Variants in ANXA5 observed in about 807,000 individuals in gnomAD.
ANXA5 encodes CBP-I.
ANXA5 carries 40 observed loss-of-function variants against 48.1 expected under a neutral mutation model. The observed-to-expected ratio is 0.83, with a 90% confidence interval of 0.65 to 1.08. The LOEUF is 1.08. ANXA5 is among the 50% of genes least tolerant of loss of function. ANXA5 has a pLI of 0.00. For missense variants in ANXA5, 357 were observed against 376.8 expected (o/e 0.95, Z 0.44); for synonymous variants, 113 against 129.1 (o/e 0.88, Z 0.85).
At chr4:121,685,373 A>G (rs1217656482) in intron 3 of ANXA5, among the ~76,000 whole-genome samples, 2 of 152,154 alleles carry the variant, frequency 1.3e-5, no homozygotes, top group Admixed American at 6.5e-5. Context: ...GTGGAAGGGA[A>G]TCTTGGAGAA....
rs144138543 is a variant in ANXA5, at chr4:121,683,407, G to C, written c.260C>G (p.Pro87Arg). The C allele has an allele frequency of 3.7e-4, 602 of 1,609,008 alleles. 1 individual carries two copies. The highest frequency in any genetic ancestry group is 4.7e-4 in the Non-Finnish European group (556 of 1,177,296). Residue 87 changes from proline (P) to arginine (R), a missense_variant, in exon 5 of 13, where the codon CCC becomes CGC. By Grantham distance (103) the Pro-to-Arg change is moderately radical. Coordinates refer to ENST00000296511, the MANE Select transcript of ANXA5 (RefSeq NM_001154.4). ...TTCATAAGCATCATAAAGCCGAGAG[G>C]GTTTCATCAGAGCCACAATTAATTT... is the stretch of plus-strand genomic sequence containing the variant. The part of the protein sequence containing the change: ...FEKLIVALMK[P>R]SRLYDAYELK...
chr4:121,669,685 C>G lies in ANXA5; in HGVS notation c.820G>C (p.Val274Leu). 1 of 1,611,904 alleles carries G rather than the reference C, an allele frequency of 6.2e-7. No individual in the cohort carries two copies. Reference protein sequence around the residue: ...TDDHTLIRVMVSRSEIDLFNI... With the variant: ...TDDHTLIRVMLSRSEIDLFNI... ...AACAGATCAATCTCACTCCTGGAAA[C>G]CATGACTCTGATGAGGGTATGATCA... The change falls in exon 12 of 13, where the codon GTT becomes CTT. Residue 274 changes from valine to leucine, a missense_variant. Val to Leu is a conservative substitution (Grantham distance 32). Coordinates refer to ENST00000296511, the MANE Select transcript of ANXA5 (RefSeq NM_001154.4).
Position 121,678,046 on chromosome 4 carries a change from C to A in ANXA5, c.475-96G>T. ...TGATGGTTATTCAATAACACTCTTT[C>A]TCTAGGAATAATATGCTTTTATTAA... is the stretch of plus-strand genomic sequence containing the variant. On this transcript the variant is annotated intron_variant, in intron 7 of 12. Transcript: ENST00000296511. 8.7e-6 allele frequency: 8 copies of A among 920,646 alleles called. No homozygotes were observed. In the South Asian group the frequency reaches 1.1e-4, roughly 13 times the overall value. 57.0% of individuals were successfully genotyped at this position (920,646 alleles called of 1,614,324 possible).
intron 2 of ANXA5, among the ~76,000 whole-genome samples, chr4:121,689,929 A>G (rs1724953446): frequency 6.6e-6 from 1 of 150,642 alleles, no homozygotes; most frequent in South Asian, 2.2e-4. Context: ...GATGAGAAAG[A>G]GGATGGCTGA....
intron 8 of ANXA5, 113 bp from the exon 9 acceptor site, chr4:121,672,739 T>C: frequency 1.4e-6 from 1 of 737,222 alleles, no homozygotes; most frequent in Non-Finnish European, 2.3e-6. Context: ...CATCATCTTG[T>C]ATTAATAGTT....
chr4:121,685,755 G>A (rs1215099303), intron 3 of ANXA5, among the ~76,000 whole-genome samples: 1 of 152,158 alleles, frequency 6.6e-6, no homozygotes, highest in Non-Finnish European at 1.5e-5. Context: ...ATGAGAATGG[G>A]ATATCTGATT....
At chr4:121,674,965 C>T (rs1724674082) in intron 8 of ANXA5, among the ~76,000 whole-genome samples, 1 of 152,146 alleles carries the variant, frequency 6.6e-6, no homozygotes, top group African/African-American at 2.4e-5. Context: ...CCTCTTCAGC[C>T]TCAGTGTATA....
At chr4:121,670,367 T>A (rs1415383053) in intron 10 of ANXA5, among the ~76,000 whole-genome samples, 1 of 152,124 alleles carries the variant, frequency 6.6e-6, no homozygotes, top group Non-Finnish European at 1.5e-5. Flanking sequence ...ATTACACAAA[T>A]CCCTTGGAAG....
At chr4:121,669,852 G>A in intron 11 of ANXA5, 102 bp downstream of exon 11, 1 of 1,452,450 alleles carries the variant, frequency 6.9e-7, no homozygotes, top group Admixed American at 2.1e-5. Flanking sequence ...ATGTTATAAG[G>A]GAAAAATTCC....
chr4:121,670,513 T>C (rs770431557), intron 10 of ANXA5, among the ~76,000 whole-genome samples: 14 of 152,304 alleles, frequency 9.2e-5, no homozygotes, highest in Non-Finnish European at 1.8e-4. Context: ...GATTTATCCA[T>C]TTCAGTACAA....
intron 3 of ANXA5, among the ~76,000 whole-genome samples, chr4:121,685,041 TATATATATATACACACACAC>T (rs1283708658): frequency 6.8e-6 from 1 of 146,930 alleles, no homozygotes; most frequent in Non-Finnish European, 1.5e-5. Flanking sequence ...TATGTATATA[TATATATATATACACACACAC>T]ATATATATAT....
chr4:121,685,277 T>A (rs1724866576), intron 3 of ANXA5, among the ~76,000 whole-genome samples: 1 of 152,058 alleles, frequency 6.6e-6, no homozygotes, highest in African/African-American at 2.4e-5. Flanking sequence ...CAAATAAGTA[T>A]GAGCTAAGGC....
At chr4:121,669,836 G>A in intron 11 of ANXA5, 112 bp from the exon 12 acceptor site, 1 of 1,456,732 alleles carries the variant, frequency 6.9e-7, no homozygotes, top group Non-Finnish European at 9.4e-7. Flanking sequence ...AGTAGAACTG[G>A]GTTGAATGTT....
At chr4:121,680,769 ACATGTAT>A (rs2110484370) in intron 6 of ANXA5, among the ~76,000 whole-genome samples, 1 of 152,352 alleles carries the variant, frequency 6.6e-6, no homozygotes, top group South Asian at 2.1e-4. Context: ...AAGTTGAGAT[ACATGTAT>A]CACTTCTGCC....
At chr4:121,674,295 T>A (rs555113032) in intron 8 of ANXA5, among the ~76,000 whole-genome samples, 76 of 50,448 alleles carry the variant, frequency 1.5e-3, no homozygotes, top group Middle Eastern at 0.019. Context: ...AAGGGGAGGG[T>A]AAGGAAATGG....
chr4:121,689,428 T>C (rs903227483), intron 2 of ANXA5, among the ~76,000 whole-genome samples: 2 of 152,122 alleles, frequency 1.3e-5, no homozygotes, highest in African/African-American at 4.8e-5. Flanking sequence ...ACTAATCAAG[T>C]GCAGTAGAAT....
In ANXA5 at chr4:121,671,529, A is replaced by G; in HGVS notation, c.721+18T>C. 6.3e-7 allele frequency: 1 copy of G among 1,578,758 alleles called. No individual in the cohort carries two copies. The highest frequency in any genetic ancestry group is 8.7e-7 in the Non-Finnish European group (1 of 1,148,018). On this transcript the variant is annotated intron_variant, in intron 10 of 12. Transcript: ENST00000296511. ...AGCTCTTACCACCAAAAATATCAAT[A>G]CATTGTAAATCACCTACCAACAGCA...
chr4:121,685,938 T>C (rs1167896791), intron 3 of ANXA5, among the ~76,000 whole-genome samples: 1 of 152,120 alleles, frequency 6.6e-6, no homozygotes, highest in Non-Finnish European at 1.5e-5. Context: ...GTCCAACCCA[T>C]GGCCTGCAAG....
In ANXA5 at chr4:121,684,704, A is replaced by G; in HGVS notation, c.162T>C (p.Ser54=). 6.2e-7 allele frequency: 1 copy of G among 1,614,014 alleles called. No homozygotes were observed. The highest frequency in any genetic ancestry group is 8.5e-7 in the Non-Finnish European group (1 of 1,179,894). The change falls in exon 4 of 13, where the codon TCT becomes TCC. Residue 54 remains serine, a synonymous_variant. Transcript: ENST00000296511. ...TGCCAAACAGAGTCTTAAAAGCTGC[A>G]GAGATTTCCTGGCGCTGAGCATTAC... ...SRSNAQRQEI[S]AAFKTLFGRD... is the part of the protein sequence containing the mutation.
Sources: allele counts gnomAD v4.1 joint callset (sites outside exome capture counted in the v4.1 genomes callset), GRCh38; gene constraint gnomAD v4.1.1; transcripts MANE v1.5; gene names NCBI Gene and HGNC (gene_info 2026-07-23, HGNC 2026-07-21).